Variants in MICOS10 observed in about 807,000 individuals in gnomAD.
MICOS10 encodes the protein mitochondrial contact site and cristae organizing system subunit 10.
In MICOS10, 5 loss-of-function variants were observed where a neutral mutation model predicts 13.4. The observed-to-expected ratio is 0.37, with a 90% CI of 0.20 to 0.78. The LOEUF is 0.78. Ranked by LOEUF, MICOS10 falls within the 30% of genes least tolerant of loss-of-function variation. The probability of loss-of-function intolerance (pLI) is 0.47; values close to 1 mark genes in which losing one functional copy is unlikely to be tolerated. For missense variants in MICOS10, 101 were observed against 94.6 expected, an observed-to-expected ratio of 1.07 and a Z score of -0.28; for synonymous variants, 35 against 33.6, an observed-to-expected ratio of 1.04 and a Z score of -0.15.
chr1:19,607,041 A>C (rs1186153181), intron 1 of MICOS10, among the ~76,000 whole-genome samples: 1 of 152,252 alleles, frequency 6.6e-6, no homozygotes, highest in Non-Finnish European at 1.5e-5. Flanking sequence ...TGTGTTTGCA[A>C]ACTGATACCT....
intron 1 of MICOS10, among the ~76,000 whole-genome samples, chr1:19,600,376 T>C (rs1415316325): frequency 6.6e-6 from 1 of 152,130 alleles, no homozygotes; most frequent in Non-Finnish European, 1.5e-5. Flanking sequence ...ACCATGAAGG[T>C]GTACGCTCTT....
rs200781581 is a variant in MICOS10, at chr1:19,626,393, G to A, written c.229G>A (p.Glu77Lys). The A allele has an allele frequency of 7.4e-6, 12 of 1,613,956 alleles. No homozygotes were observed. Among genetic ancestry groups the A allele is most frequent in the Non-Finnish European group, 7.6e-6 (9 of 1,179,858 alleles). The change falls in exon 4 of 4, where the codon GAG becomes AAG. Residue 77 changes from glutamate (E) to lysine (K), a missense_variant. Physicochemically the swap from Glu to Lys is moderately conservative, Grantham distance 56. Coordinates refer to ENST00000322753, the MANE Select transcript of MICOS10 (RefSeq NM_001032363.4). ...LLHGKYVKEQ[E>K]Q ...GAATGTCCTTGCTTTACAGGAGCAG[G>A]AGCAGTGACTTCACCTGAGAACATC... is the stretch of plus-strand genomic sequence containing the variant.
Position 19,608,994 on chromosome 1 carries a change from C to CTTTTTTTTTTTTT in MICOS10, c.64+11902_64+11914dup, listed in dbSNP as rs5772856. On this transcript the variant is annotated intron_variant, in intron 1 of 3. Transcript: ENST00000322753. ...TTAAGATGTGAGCCACTTTTCCCAG[C>CTTTTTTTTTTTTT]TTTTTTTTTTTTTTTTTTTTTTTTT... 3.3e-5 allele frequency among the ~76,000 whole-genome samples: 2 copies of CTTTTTTTTTTTTT among 60,598 alleles called. 1 individual carries two copies. Among genetic ancestry groups the CTTTTTTTTTTTTT allele is most frequent in the African/African-American group, 1.5e-4 (2 of 13,100 alleles). 39.8% of individuals were successfully genotyped at this position (60,598 alleles called of 152,430 possible).
At chr1:19,601,024 G>T in intron 1 of MICOS10, 1 of 1,287,752 alleles carries the variant, frequency 7.8e-7, no homozygotes, top group Non-Finnish European at 1.0e-6. Flanking sequence ...TGCTTCCAGG[G>T]TTCACCAGGG....
chr1:19,597,224 T>A, intron 1 of MICOS10, 115 bp downstream of exon 1: 1 of 1,118,516 alleles, frequency 8.9e-7, no homozygotes, highest in East Asian at 3.1e-5. Flanking sequence ...CTCGGCCTTT[T>A]CCGGCCCCTC....
chr1:19,606,088 A>T (rs192753880), intron 1 of MICOS10, among the ~76,000 whole-genome samples: 2 of 152,324 alleles, frequency 1.3e-5, no homozygotes, highest in Admixed American at 1.3e-4. Context: ...ATATTATTGC[A>T]AAATCTTGCC....
chr1:19,617,321 G>T, intron 1 of MICOS10: 1 of 983,970 alleles, frequency 1.0e-6, no homozygotes, highest in Non-Finnish European at 1.2e-6. Flanking sequence ...GTCTAGTCCA[G>T]ATAGCCACAG....
In MICOS10 at chr1:19,626,393, G is replaced by T. The variant is rs200781581; in HGVS notation, c.229G>T (p.Glu77Ter). Residue 77 changes from glutamate (E) to a stop codon, truncating the protein, a stop_gained, in exon 4 of 4, where the codon GAG becomes TAG. Coordinates refer to ENST00000322753, the MANE Select transcript of MICOS10 (RefSeq NM_001032363.4). LOFTEE classifies it high-confidence loss of function. ...GAATGTCCTTGCTTTACAGGAGCAG[G>T]AGCAGTGACTTCACCTGAGAACATC... is the stretch of plus-strand genomic sequence containing the variant. Reference protein sequence around the residue: ...LLHGKYVKEQEQ With the variant: ...LLHGKYVKEQ The T allele has an allele frequency of 3.7e-5, 59 of 1,613,956 alleles. No individual in the cohort carries two copies. Among genetic ancestry groups the T allele is most frequent in the Non-Finnish European group, 4.7e-5 (56 of 1,179,858 alleles).
At chr1:19,615,446 T>G (rs749395906) in intron 1 of MICOS10, among the ~76,000 whole-genome samples, 8 of 152,218 alleles carry the variant, frequency 5.3e-5, no homozygotes, top group Non-Finnish European at 7.3e-5. Context: ...ATAGAGAAGT[T>G]ATATAGTTTG....
chr1:19,612,548 C>T (rs547367401), intron 1 of MICOS10, among the ~76,000 whole-genome samples: 1 of 151,920 alleles, frequency 6.6e-6, no homozygotes, highest in Admixed American at 6.6e-5. Context: ...CGTGGTGGAA[C>T]CCCACCTCCA....
chr1:19,603,360 A>C (rs181968663), intron 1 of MICOS10, among the ~76,000 whole-genome samples: 5 of 152,300 alleles, frequency 3.3e-5, no homozygotes, highest in Admixed American at 6.5e-5. Context: ...ACAGAAGCAG[A>C]AACACTGTCA....
In MICOS10 at chr1:19,626,406, AC is replaced by A. The variant is rs1248121376; in HGVS notation, c.*7del. On this transcript the variant is annotated 3_prime_UTR_variant, in exon 4 of 4. Transcript: ENST00000322753. ...TTACAGGAGCAGGAGCAGTGACTTC[AC>A]CTGAGAACATCCCAGCGGGAGGACA... is the stretch of plus-strand genomic sequence containing the variant. 1 of 1,613,958 alleles carries A rather than the reference AC, an allele frequency of 6.2e-7. No individual in the cohort carries two copies. The highest frequency in any genetic ancestry group is 1.3e-5 in the African/African-American group (1 of 75,042).
chr1:19,602,322 G>T (rs1404667059), intron 1 of MICOS10, among the ~76,000 whole-genome samples: 2 of 152,186 alleles, frequency 1.3e-5, no homozygotes, highest in African/African-American at 4.8e-5. Context: ...AAAACTCCAA[G>T]TAAAGTAGAT....
intron 1 of MICOS10, chr1:19,608,495 A>G: frequency 8.5e-7 from 1 of 1,182,960 alleles, no homozygotes; most frequent in Non-Finnish European, 1.3e-6. Context: ...GAAGATCGGG[A>G]GGATTGAGGA....
At chr1:19,610,346 A>ACCCCCCC (rs2094854954) in intron 1 of MICOS10, among the ~76,000 whole-genome samples, 4 of 39,288 alleles carry the variant, frequency 1.0e-4, no homozygotes, top group Admixed American at 3.5e-4. Context: ...AATCAAAGTC[A>ACCCCCCC]CCCCACCCCC....
intron 1 of MICOS10, among the ~76,000 whole-genome samples, chr1:19,620,038 T>C (rs1369226993): frequency 6.6e-6 from 1 of 152,272 alleles, no homozygotes; most frequent in Non-Finnish European, 1.5e-5. Flanking sequence ...TTATATAAAC[T>C]GTATTCATTG....
chr1:19,597,989 A>G (rs2094799318), intron 1 of MICOS10: 1 of 152,152 alleles, frequency 6.6e-6, no homozygotes, highest in Non-Finnish European at 1.5e-5. Context: ...TTGTGTGGTA[A>G]TCTTAGGGTA....
At chr1:19,625,564 G>C in intron 3 of MICOS10, 4 of 1,289,416 alleles carry the variant, frequency 3.1e-6, no homozygotes, top group Non-Finnish European at 4.0e-6. Context: ...CCACTCCCTG[G>C]CTCCTCGCTT....
At chr1:19,623,910 A>G in intron 3 of MICOS10, 1 of 182,414 alleles carries the variant, frequency 5.5e-6, no homozygotes, top group Non-Finnish European at 1.1e-5. Context: ...TTAAGAGCTC[A>G]GAGTGCCCTG....
Sources: gnomAD v4.1 joint callset for allele counts (sites outside exome capture counted in the v4.1 genomes callset) on GRCh38, gnomAD v4.1.1 for gene constraint, MANE v1.5 for transcripts, NCBI Gene and HGNC (gene_info 2026-07-23, HGNC 2026-07-21) for gene names.